Variants in EPAS1 observed in about 807,000 individuals in gnomAD.
EPAS1 encodes endothelial PAS domain-containing protein 1.
Under a neutral mutation model 87.9 loss-of-function variants are expected in EPAS1, and 23 were observed. That is an observed-to-expected ratio of 0.26 (90% CI 0.19 to 0.37). EPAS1 has a LOEUF of 0.37. Among genes scored for constraint, EPAS1 ranks in the 10% least tolerant of loss-of-function variants. The pLI is 1.00. For synonymous variants in EPAS1, 508 were observed against 444.3 expected, an observed-to-expected ratio of 1.14 and a Z score of -1.80; for missense variants, 1,138 against 1,120.7, an observed-to-expected ratio of 1.02 and a Z score of -0.22.
intron 1 of EPAS1, among the ~76,000 whole-genome samples, chr2:46,344,458 T>G (rs1683977325): frequency 6.6e-6 from 1 of 152,214 alleles, no homozygotes; most frequent in South Asian, 2.1e-4. Flanking sequence ...AGTAATGAAA[T>G]CCAGCATCTT....
At chr2:46,342,799 G>GTT (rs1683937343) in intron 1 of EPAS1, among the ~76,000 whole-genome samples, 1 of 152,184 alleles carries the variant, frequency 6.6e-6, no homozygotes. Flanking sequence ...GGGCAAAGAG[G>GTT]TTTTTCCTGG....
intron 1 of EPAS1, among the ~76,000 whole-genome samples, chr2:46,331,982 C>T (rs1683684274): frequency 6.6e-6 from 1 of 152,202 alleles, no homozygotes; most frequent in Non-Finnish European, 1.5e-5. Flanking sequence ...CCTGCACTCA[C>T]CTGCCTGCGT....
chr2:46,298,037 A>T, intron 1 of EPAS1, 100 bp downstream of exon 1: 1 of 1,436,348 alleles, frequency 7.0e-7, no homozygotes, highest in Non-Finnish European at 9.6e-7. Context: ...GAGTGCTGAG[A>T]GGTCTTCGGA....
chr2:46,357,433 T>C (rs2103630626), intron 4 of EPAS1, among the ~76,000 whole-genome samples: 1 of 152,296 alleles, frequency 6.6e-6, no homozygotes, highest in South Asian at 2.1e-4. Flanking sequence ...TCAGAGACTC[T>C]CCCTCTCCAT....
intron 1 of EPAS1, among the ~76,000 whole-genome samples, chr2:46,313,147 A>G (rs1683246514): frequency 1.3e-5 from 2 of 152,234 alleles, no homozygotes; most frequent in Admixed American, 1.3e-4. Flanking sequence ...CGGTGTTACT[A>G]GAAGTGGGAA....
chr2:46,359,441 A>G (rs746425021), intron 4 of EPAS1, among the ~76,000 whole-genome samples: 1 of 151,946 alleles, frequency 6.6e-6, no homozygotes, highest in Non-Finnish European at 1.5e-5. Context: ...GGTATATCTC[A>G]TTGTATGCTA....
At chr2:46,384,170 G>A (rs1036768500) in intron 15 of EPAS1, among the ~76,000 whole-genome samples, 2 of 152,230 alleles carry the variant, frequency 1.3e-5, no homozygotes, top group African/African-American at 4.8e-5. Context: ...CATGTTCTGT[G>A]TATGTGAGCA....
At position 46,375,004 on chromosome 2, in the gene EPAS1, C is replaced by G. The variant is rs932607424; in HGVS notation, c.887-686C>G. ...TGTGTGGGCTGCCAGGGTCCCAGCT[C>G]TTTCTCAGCCCCAACTGAGAAAGGG... On this transcript the variant is annotated intron_variant, in intron 7 of 15. Transcript: ENST00000263734. The surrounding 1 kb of genome is among the most constrained non-coding windows in gnomAD (Gnocchi z 4.1). Among the ~76,000 whole-genome samples, 3 of 151,992 alleles carry G rather than the reference C, an allele frequency of 2.0e-5. No individual in the cohort carries two copies. Among genetic ancestry groups the G allele is most frequent in the Admixed American group, 2.0e-4 (3 of 15,272 alleles).
chr2:46,376,797 G>T (rs1328275237), intron 9 of EPAS1, 44 bp downstream of exon 9: 2 of 1,603,916 alleles, frequency 1.2e-6, no homozygotes, highest in South Asian at 2.2e-5. Context: ...ACCCCGTTGG[G>T]GCTGGGAAGA....
chr2:46,361,004 C>T lies in EPAS1; in HGVS notation c.693C>T (p.His231=), dbSNP rs1299764337. The T allele has an allele frequency of 5.0e-6, 8 of 1,614,066 alleles. No homozygotes were observed. The highest frequency in any genetic ancestry group is 1.6e-4 in the Middle Eastern group (1 of 6,084). Residue 231 remains histidine, a synonymous_variant, in exon 6 of 16, where the codon CAC becomes CAT. Coordinates refer to ENST00000263734, the MANE Select transcript of EPAS1 (RefSeq NM_001430.5). ...TCATCATGTGTGAACCAATCCAGCA[C>T]CCATCCCACATGGACATCCCCCTGG... The part of the protein sequence containing the change: ...CLIIMCEPIQ[H]PSHMDIPLDS...
At chr2:46,321,594 G>A (rs1683455132) in intron 1 of EPAS1, among the ~76,000 whole-genome samples, 1 of 152,112 alleles carries the variant, frequency 6.6e-6, no homozygotes. Flanking sequence ...CCTAGTGGGT[G>A]TGAAGTGGTA....
intron 6 of EPAS1, among the ~76,000 whole-genome samples, chr2:46,366,967 A>C (rs1026470643): frequency 6.6e-6 from 1 of 152,198 alleles, no homozygotes; most frequent in African/African-American, 2.4e-5. Context: ...AAGTTTGACA[A>C]CTCAAATGTT....
chr2:46,363,159 C>A (rs1228047085), intron 6 of EPAS1, among the ~76,000 whole-genome samples: 1 of 152,308 alleles, frequency 6.6e-6, no homozygotes, highest in South Asian at 2.1e-4. Flanking sequence ...GCTTTGTGTA[C>A]CTCAGTAGTC....
At chr2:46,353,528 A>G (rs552035518) in intron 2 of EPAS1, among the ~76,000 whole-genome samples, 3 of 152,296 alleles carry the variant, frequency 2.0e-5, no homozygotes, top group South Asian at 2.1e-4. Context: ...GGTCTCAGAA[A>G]TGTTTCTTTC....
intron 6 of EPAS1, among the ~76,000 whole-genome samples, chr2:46,362,286 G>A (rs1296358280): frequency 6.6e-6 from 1 of 152,190 alleles, no homozygotes; most frequent in Non-Finnish European, 1.5e-5. Flanking sequence ...TTTCTAACCT[G>A]TTTCATGGGG....
chr2:46,376,409 A>G, intron 8 of EPAS1, 130 bp from the exon 9 acceptor site: 2 of 843,106 alleles, frequency 2.4e-6, no homozygotes, highest in Non-Finnish European at 2.1e-6. Context: ...GTTCTTTATA[A>G]GACGCCAATG....
intron 1 of EPAS1, among the ~76,000 whole-genome samples, chr2:46,315,543 G>A (rs1158909296): frequency 6.6e-6 from 1 of 152,232 alleles, no homozygotes; most frequent in African/African-American, 2.4e-5. Context: ...CCTTCTGCTG[G>A]CTTCGGCCCC....
intron 1 of EPAS1, among the ~76,000 whole-genome samples, chr2:46,310,340 C>T (rs1039246291): frequency 6.6e-6 from 1 of 152,150 alleles, no homozygotes; most frequent in African/African-American, 2.4e-5. Flanking sequence ...TGAGTCTAAC[C>T]ATTATGGAAA....
Position 46,382,590 on chromosome 2 carries a change from A to G in EPAS1, c.2453A>G (p.Lys818Arg). 1 of 1,614,090 alleles carries G rather than the reference A, an allele frequency of 6.2e-7. No homozygotes were observed. Among genetic ancestry groups the G allele is most frequent in the Non-Finnish European group, 8.5e-7 (1 of 1,180,046 alleles). ...YQDYSLSSAH[K>R]VSGMASRLLG... ...GACTACAGCCTGTCGTCAGCCCACA[A>G]GGTGTCAGGTGGGTGTGCCCAGGAT... The change falls in exon 15 of 16, where the codon AAG becomes AGG. Residue 818 changes from lysine to arginine, a missense_variant. Transcript: ENST00000263734.
Sources: allele counts gnomAD v4.1 joint callset (sites outside exome capture counted in the v4.1 genomes callset), GRCh38; gene constraint gnomAD v4.1.1; non-coding constraint Gnocchi (gnomAD v3.1); transcripts MANE v1.5; gene names NCBI Gene and HGNC (gene_info 2026-07-23, HGNC 2026-07-21).